The following ACOT11 variants were observed in gnomAD, a reference collection of about 807,000 sequenced individuals.
ACOT11 encodes the protein acyl-coenzyme A thioesterase 11.
A neutral mutation model predicts 77.5 loss-of-function variants in ACOT11; 69 were observed. The ratio of observed to expected loss-of-function variants is 0.89; its 90% confidence interval spans 0.73 to 1.09. The LOEUF (loss-of-function observed/expected upper bound fraction) is 1.09. Among genes scored for constraint, ACOT11 ranks in the 50% least tolerant of loss-of-function variants. The pLI, the probability that ACOT11 is intolerant of heterozygous loss-of-function variation, is 0.00. For missense variants in ACOT11, 766 were observed against 813.7 expected, an observed-to-expected ratio of 0.94 and a Z score of 0.71; for synonymous variants, 279 against 313.0, an observed-to-expected ratio of 0.89 and a Z score of 1.15.
chr1:54,610,922 A>T (rs1300512757), downstream of ACOT11: 2 of 985,232 alleles, frequency 2.0e-6, no homozygotes, highest in Admixed American at 1.2e-4. Context: ...AGGGGTTTGG[A>T]TAGTGGCATC....
intron 1 of ACOT11, among the ~76,000 whole-genome samples, chr1:54,565,108 A>G (rs1362770472): frequency 6.6e-6 from 1 of 151,950 alleles, no homozygotes; most frequent in African/African-American, 2.4e-5. Context: ...CTTGGTCCCC[A>G]CCCTCCCCTT....
At chr1:54,636,784 C>T (rs564535179) in exon 17 of ACOT11, 1 of 153,064 alleles carries the variant, frequency 6.5e-6, no homozygotes, top group Non-Finnish European at 1.5e-5. Flanking sequence ...GTCCCTGCGG[C>T]CTTTGCAGTA....
chr1:54,617,528 C>G (rs1041116655), intron 15 of ACOT11, among the ~76,000 whole-genome samples: 4 of 151,018 alleles, frequency 2.6e-5, no homozygotes, highest in African/African-American at 9.7e-5. Context: ...AACTCTTTAT[C>G]ATAGTCTTCG....
chr1:54,559,567 C>A (rs75325119), intron 1 of ACOT11, among the ~76,000 whole-genome samples: 6,035 of 151,918 alleles, frequency 0.04, 176 homozygotes, highest in Non-Finnish European at 0.055. Flanking sequence ...GAACTCGGCA[C>A]ATAATTGGCC....
chr1:54,574,685 C>A (rs1654042358), intron 1 of ACOT11, among the ~76,000 whole-genome samples: 1 of 152,224 alleles, frequency 6.6e-6, no homozygotes, highest in Admixed American at 6.5e-5. Context: ...CCCCACCCCG[C>A]TCCCTGTACT....
exon 17 of ACOT11, chr1:54,638,897 T>TAGATACATACATCC (rs1224222625): frequency 3.9e-5 from 6 of 152,078 alleles, no homozygotes; most frequent in Non-Finnish European, 8.8e-5. Flanking sequence ...ATGTTAAGAA[T>TAGATACATACATCC]AGATGTATAC....
intron 8 of ACOT11, 91 bp from the exon 9 acceptor site, chr1:54,601,170 CGCATGTGT>C (rs1643958581): frequency 7.0e-7 from 1 of 1,420,220 alleles, no homozygotes; most frequent in African/African-American, 1.4e-5. Context: ...TGTGTGTGGG[CGCATGTGT>C]GCATGTGTGT....
intron 6 of ACOT11, among the ~76,000 whole-genome samples, chr1:54,596,666 C>G (rs1654909636): frequency 6.6e-6 from 1 of 152,158 alleles, no homozygotes; most frequent in South Asian, 2.1e-4. Context: ...CTCTGCCTCC[C>G]AGGTTCAAGT....
intron 11 of ACOT11, 118 bp from the exon 12 acceptor site, chr1:54,604,227 AC>A: frequency 1.1e-6 from 1 of 895,774 alleles, no homozygotes; most frequent in Non-Finnish European, 1.7e-6. Flanking sequence ...CTGCCGCACC[AC>A]CCACCCACCG....
At chr1:54,586,376 C>G (rs1249815632) in intron 3 of ACOT11, among the ~76,000 whole-genome samples, 3 of 151,952 alleles carry the variant, frequency 2.0e-5, no homozygotes, top group Non-Finnish European at 4.4e-5. Flanking sequence ...AACCTCTGCT[C>G]ACATCCTTCC....
intron 1 of ACOT11, chr1:54,573,097 G>T: frequency 1.0e-6 from 1 of 985,424 alleles, no homozygotes; most frequent in Non-Finnish European, 1.2e-6. Context: ...ACAGGGAGGG[G>T]AGCTTCTTGG....
At chr1:54,554,351 A>ATATTTTTT (rs1553161034) in intron 1 of ACOT11, among the ~76,000 whole-genome samples, 2 of 97,258 alleles carry the variant, frequency 2.1e-5, no homozygotes, top group African/African-American at 8.6e-5. Context: ...ATATATATAT[A>ATATTTTTT]TTTTTTTTTT....
downstream of ACOT11, chr1:54,612,415 A>G (rs1393651414): frequency 1.8e-5 from 20 of 1,139,802 alleles, no homozygotes; most frequent in Admixed American, 2.1e-4. Context: ...CCTTCCAGCC[A>G]TGAGCTTCTG....
intron 1 of ACOT11, among the ~76,000 whole-genome samples, chr1:54,580,371 C>T (rs186679813): frequency 6.6e-6 from 1 of 152,298 alleles, no homozygotes; most frequent in Admixed American, 6.5e-5. Flanking sequence ...TTAGGGCATA[C>T]CTTCTCCAGA....
At chr1:54,587,419 C>T (rs1036239585) in intron 3 of ACOT11, among the ~76,000 whole-genome samples, 1 of 151,348 alleles carries the variant, frequency 6.6e-6, no homozygotes, top group Non-Finnish European at 1.5e-5. Context: ...GAGGCTGAGG[C>T]AGAGAATTGC....
chr1:54,550,187 C>G (rs1653014654), intron 1 of ACOT11, among the ~76,000 whole-genome samples: 1 of 152,188 alleles, frequency 6.6e-6, no homozygotes, highest in East Asian at 1.9e-4. Flanking sequence ...GAGCCTGAGG[C>G]TCAGCCAGAT....
intron 1 of ACOT11, among the ~76,000 whole-genome samples, chr1:54,568,630 C>T (rs896825348): frequency 2.6e-5 from 4 of 152,268 alleles, no homozygotes; most frequent in African/African-American, 9.6e-5. Context: ...TCTGAAAGTG[C>T]TGGGATTACA....
In ACOT11 at chr1:54,592,556, G is replaced by A; in HGVS notation, c.322G>A (p.Val108Met). ...CTTTCCTCTCCCCAGTGTTGGACAA[G>A]TGGTGAATATCAAGGCCAAGGTGAA... ...YFEHTISVGQ[V>M]VNIKAKVNRA... The change falls in exon 4 of 16, where the codon GTG becomes ATG. Residue 108 changes from valine (V) to methionine (M), a missense_variant. Val to Met is a conservative substitution (Grantham distance 21, BLOSUM62 1). Transcript: ENST00000343744. 1 of 1,612,946 alleles carries A rather than the reference G, an allele frequency of 6.2e-7. No homozygotes were observed. Among genetic ancestry groups the A allele is most frequent in the Non-Finnish European group, 8.5e-7 (1 of 1,179,480 alleles).
chr1:54,634,541 A>G (rs770720638), intron 16 of ACOT11: 8 of 544,838 alleles, frequency 1.5e-5, no homozygotes, highest in Non-Finnish European at 2.6e-5. Flanking sequence ...CTGATGATAA[A>G]AACAAAAAAG....
Sources: gnomAD v4.1 joint callset for allele counts (sites outside exome capture counted in the v4.1 genomes callset) on GRCh38, gnomAD v4.1.1 for gene constraint, MANE v1.5 for transcripts, NCBI Gene and HGNC (gene_info 2026-07-23, HGNC 2026-07-21) for gene names.